LINGO2: variants seen among roughly 807,000 people sequenced by gnomAD.
LINGO2 encodes leucine rich repeat and Ig domain containing 2.
A neutral mutation model predicts 30.6 loss-of-function variants in LINGO2; 14 were observed. The ratio of observed to expected loss-of-function variants is 0.46; its 90% CI spans 0.30 to 0.72. LINGO2 has a LOEUF of 0.72. LINGO2 is among the 30% of genes least tolerant of loss of function. The probability of loss-of-function intolerance (pLI) is 0.07; values close to 1 mark genes in which losing one functional copy is unlikely to be tolerated. For synonymous variants in LINGO2, 317 were observed against 288.5 expected, an observed-to-expected ratio of 1.10 and a Z score of -1.00; for missense variants, 729 against 751.7, an observed-to-expected ratio of 0.97 and a Z score of 0.35.
Position 28,632,708 on chromosome 9 carries a change from TTA to T in LINGO2, c.-365+37490_-365+37491del, listed in dbSNP as rs1200305392. On this transcript the variant is annotated intron_variant, in intron 1 of 5. Coordinates refer to ENST00000379992, the Ensembl canonical transcript of LINGO2. ...AATATATTTATATAGATCTATATAT[TTA>T]TATATAGATCTATATATAGATCTAT... 2.2e-5 allele frequency among the ~76,000 whole-genome samples: 3 copies of T among 133,362 alleles called. 1 individual carries two copies. The highest frequency in any genetic ancestry group is 1.6e-5 in the Non-Finnish European group (1 of 63,190). 87.5% of individuals were successfully genotyped at this position (133,362 alleles called of 152,430 possible).
At chr9:28,882,179 C>A in the LINGO2 span, among the ~76,000 whole-genome samples, 1 of 152,162 alleles carries the variant, frequency 6.6e-6, no homozygotes, top group East Asian at 1.9e-4. Flanking sequence ...ACGATTTAAT[C>A]TTGTATATTC....
chr9:28,468,398 T>C (rs1825394425), intron 2 of LINGO2, among the ~76,000 whole-genome samples: 1 of 152,170 alleles, frequency 6.6e-6, no homozygotes, highest in Non-Finnish European at 1.5e-5. Flanking sequence ...AACAGTAGTA[T>C]AGTTGGGATC....
the LINGO2 span, among the ~76,000 whole-genome samples, chr9:28,993,914 C>T: frequency 6.6e-6 from 1 of 151,888 alleles, no homozygotes; most frequent in African/African-American, 2.4e-5. Context: ...CAATATCATA[C>T]TGAATGGGCA....
chr9:28,936,859 C>A, the LINGO2 span, among the ~76,000 whole-genome samples: 3 of 152,040 alleles, frequency 2.0e-5, no homozygotes, highest in East Asian at 3.9e-4. Flanking sequence ...TCTTATAGTC[C>A]TGGAGGCTGT....
intron 4 of LINGO2, among the ~76,000 whole-genome samples, chr9:28,036,906 T>C (rs1329908018): frequency 6.6e-6 from 1 of 152,150 alleles, no homozygotes; most frequent in Non-Finnish European, 1.5e-5. Flanking sequence ...AAAGTAAAAT[T>C]GGACTGGAAA....
the LINGO2 span, among the ~76,000 whole-genome samples, chr9:29,159,242 C>A: frequency 6.6e-6 from 1 of 152,164 alleles, no homozygotes; most frequent in Non-Finnish European, 1.5e-5. Context: ...TGTATTTCAG[C>A]AAATTCTCTT....
At chr9:28,336,913 G>A (rs1825609165) in intron 3 of LINGO2, among the ~76,000 whole-genome samples, 1 of 151,700 alleles carries the variant, frequency 6.6e-6, no homozygotes, top group South Asian at 2.1e-4. Flanking sequence ...ATTTTGAGCT[G>A]ACCACACATA....
chr9:28,338,862 G>A (rs1587491576), intron 3 of LINGO2, among the ~76,000 whole-genome samples: 1 of 152,040 alleles, frequency 6.6e-6, no homozygotes, highest in African/African-American at 2.4e-5. Flanking sequence ...CCCAGTCTAG[G>A]GTAACTTTAT....
At chr9:29,145,428 T>C in the LINGO2 span, among the ~76,000 whole-genome samples, 1 of 152,226 alleles carries the variant, frequency 6.6e-6, no homozygotes, top group East Asian at 1.9e-4. Context: ...GTGTTTTTTT[T>C]TTTCCTTTGG....
At chr9:28,349,882 T>G (rs1465141920) in intron 3 of LINGO2, among the ~76,000 whole-genome samples, 1 of 152,074 alleles carries the variant, frequency 6.6e-6, no homozygotes, top group African/African-American at 2.4e-5. Context: ...ACCCAGAATT[T>G]CATATCCAGC....
intron 2 of LINGO2, among the ~76,000 whole-genome samples, chr9:28,412,735 A>G (rs1243943717): frequency 6.6e-6 from 1 of 152,132 alleles, no homozygotes; most frequent in Non-Finnish European, 1.5e-5. Context: ...TAAAATATGC[A>G]TTTAAAATTT....
At chr9:28,671,715 G>A (rs536115991), upstream of LINGO2, among the ~76,000 whole-genome samples, 2 of 151,936 alleles carry the variant, frequency 1.3e-5, no homozygotes, top group African/African-American at 2.4e-5. Flanking sequence ...GAAATAACCC[G>A]TACAAGAAGC....
At chr9:28,245,785 A>G (rs2133991120) in intron 4 of LINGO2, among the ~76,000 whole-genome samples, 1 of 152,348 alleles carries the variant, frequency 6.6e-6, no homozygotes, top group East Asian at 1.9e-4. Context: ...TGCTCAAGGC[A>G]ATAAGACAGG....
chr9:28,993,874 A>G, the LINGO2 span, among the ~76,000 whole-genome samples: 1 of 152,150 alleles, frequency 6.6e-6, no homozygotes, highest in African/African-American at 2.4e-5. Flanking sequence ...ATCTCAAAAT[A>G]ATTAGAGCTA....
At chr9:28,718,637 G>T in the LINGO2 span, among the ~76,000 whole-genome samples, 2 of 151,882 alleles carry the variant, frequency 1.3e-5, no homozygotes, top group African/African-American at 4.8e-5. Context: ...ACTTTTCTCA[G>T]AAACTCCATT....
intron 4 of LINGO2, among the ~76,000 whole-genome samples, chr9:28,087,971 T>A (rs1040776129): frequency 6.6e-6 from 1 of 152,036 alleles, no homozygotes; most frequent in African/African-American, 2.4e-5. Context: ...ATAATAGGCA[T>A]CTGTTCTGAT....
intron 2 of LINGO2, among the ~76,000 whole-genome samples, chr9:28,442,446 G>A (rs1296757948): frequency 6.6e-6 from 1 of 152,032 alleles, no homozygotes; most frequent in Admixed American, 6.6e-5. Flanking sequence ...CCATGTAAAT[G>A]TGTACAATTA....
At chr9:29,070,654 T>C in the LINGO2 span, among the ~76,000 whole-genome samples, 1 of 151,898 alleles carries the variant, frequency 6.6e-6, no homozygotes, top group Non-Finnish European at 1.5e-5. Context: ...GTGAAATATT[T>C]AAGTAGATGA....
At chr9:28,150,978 C>A (rs916346354) in intron 4 of LINGO2, among the ~76,000 whole-genome samples, 3 of 152,150 alleles carry the variant, frequency 2.0e-5, no homozygotes, top group Non-Finnish European at 4.4e-5. Flanking sequence ...TAAAGAAACA[C>A]ACAATTGCAA....
Sources: gnomAD v4.1 joint callset for allele counts (sites outside exome capture counted in the v4.1 genomes callset) on GRCh38, gnomAD v4.1.1 for gene constraint, MANE v1.5 for transcripts, NCBI Gene and HGNC (gene_info 2026-07-23, HGNC 2026-07-21) for gene names.